GPAM: variants seen among roughly 807,000 people sequenced by gnomAD.
The protein encoded by GPAM is glycerol-3-phosphate acyltransferase 1, mitochondrial.
Under a neutral mutation model 105.0 loss-of-function variants are expected in GPAM, and 56 were observed. That is an observed-to-expected ratio of 0.53 (90% CI 0.43 to 0.67). GPAM has a LOEUF of 0.67. GPAM is among the 30% of genes least tolerant of loss of function. GPAM has a pLI of 0.00. For synonymous variants in GPAM, 368 were observed against 354.4 expected, an observed-to-expected ratio of 1.04 and a Z score of -0.43; for missense variants, 855 against 989.8, an observed-to-expected ratio of 0.86 and a Z score of 1.83.
chr10:112,185,145 T>C (rs969952831), upstream of GPAM, among the ~76,000 whole-genome samples: 2 of 152,148 alleles, frequency 1.3e-5, no homozygotes, highest in African/African-American at 4.8e-5. Flanking sequence ...CTACTCTGAT[T>C]CTATCTTAGA....
At chr10:112,180,908 C>A (rs2133267542) in intron 3 of GPAM, among the ~76,000 whole-genome samples, 1 of 152,280 alleles carries the variant, frequency 6.6e-6, no homozygotes, top group South Asian at 2.1e-4. Flanking sequence ...TCTAGTCTAA[C>A]AATTAACCTT....
intron 4 of GPAM, among the ~76,000 whole-genome samples, chr10:112,178,673 G>A (rs1426349141): frequency 6.6e-6 from 1 of 152,182 alleles, no homozygotes; most frequent in East Asian, 1.9e-4. Context: ...CTACAAGAAT[G>A]TCAGAGATTT....
upstream of GPAM, among the ~76,000 whole-genome samples, chr10:112,216,578 G>A (rs979844827): frequency 2.6e-5 from 4 of 152,084 alleles, no homozygotes; most frequent in African/African-American, 9.7e-5. Flanking sequence ...AGGAGAAAAA[G>A]CAAAGGTGTG....
upstream of GPAM, among the ~76,000 whole-genome samples, chr10:112,187,884 C>T (rs112038263): frequency 1.3e-5 from 2 of 152,022 alleles, no homozygotes; most frequent in South Asian, 2.1e-4. Flanking sequence ...TTAGAAACCA[C>T]TAACTTAAAG....
intron 20 of GPAM, chr10:112,155,018 A>C: frequency 2.5e-6 from 1 of 404,816 alleles, no homozygotes; most frequent in Non-Finnish European, 4.6e-6. Context: ...TGAGAATCAA[A>C]TGAGATAGTG....
chr10:112,214,447 C>A (rs540167338), intron 1 of GPAM: 2 of 152,304 alleles, frequency 1.3e-5, no homozygotes, highest in Admixed American at 6.5e-5. Flanking sequence ...GTCTTTTCTG[C>A]TGTCTTTGAT....
rs147428084 is a variant in GPAM at position 112,208,384 on chromosome 10, G to A, written n.210+6784C>T. On this transcript the variant is annotated intron_variant and non_coding_transcript_variant, in intron 1 of 3. Transcript: ENST00000480130. ...TTCCATTGCAACTGCTTTCTGAGAC[G>A]GATAGTTTCCCCTTTAGATTTTCAT... Among the ~76,000 whole-genome samples, 75 of 152,276 alleles carry A rather than the reference G, an allele frequency of 4.9e-4. 1 individual carries two copies. The East Asian group carries it at 0.012, about 24-fold the overall frequency.
chr10:112,223,727 T>C, the GPAM span, among the ~76,000 whole-genome samples: 1 of 152,208 alleles, frequency 6.6e-6, no homozygotes, highest in South Asian at 2.1e-4. Flanking sequence ...ATAGCAAATA[T>C]TTTAGGCTAT....
intron 9 of GPAM, among the ~76,000 whole-genome samples, chr10:112,169,218 T>C (rs1204990388): frequency 6.6e-6 from 1 of 152,172 alleles, no homozygotes; most frequent in Non-Finnish European, 1.5e-5. Flanking sequence ...TTGCATGACA[T>C]ATTACCCGTA....
the GPAM span, among the ~76,000 whole-genome samples, chr10:112,226,917 C>T: frequency 6.6e-6 from 1 of 152,130 alleles, no homozygotes; most frequent in Admixed American, 6.5e-5. Flanking sequence ...GCAGGGCAGA[C>T]TTCCACCCTT....
upstream of GPAM, among the ~76,000 whole-genome samples, chr10:112,218,081 G>A (rs1042288812): frequency 1.3e-5 from 2 of 152,240 alleles, no homozygotes; most frequent in African/African-American, 4.8e-5. Context: ...GGCCATTGAC[G>A]ATTCAAAGGA....
the GPAM span, among the ~76,000 whole-genome samples, chr10:112,222,857 A>T: frequency 6.6e-6 from 1 of 152,054 alleles, no homozygotes; most frequent in African/African-American, 2.4e-5. Flanking sequence ...GCGTGGGTAA[A>T]TGATCCATGC....
upstream of GPAM, among the ~76,000 whole-genome samples, chr10:112,185,300 T>C (rs182359498): frequency 5.3e-5 from 8 of 151,650 alleles, no homozygotes; most frequent in Admixed American, 2.6e-4. Flanking sequence ...CAAACAGAAT[T>C]ATCAGGCATG....
At position 112,158,392 on chromosome 10, in the gene GPAM, G is replaced by A. The variant is rs1359494753; in HGVS notation, c.1904C>T (p.Pro635Leu). The change falls in exon 18 of 22, where the codon CCT becomes CTT. Residue 635 changes from proline to leucine, a missense_variant and splice_region_variant. By Grantham distance (98) the Pro-to-Leu change is moderately conservative (BLOSUM62 -3). Coordinates refer to ENST00000348367, the MANE Select transcript of GPAM (RefSeq NM_001244949.2). Reference sequence around the variant, plus strand: ...GCAGACTTGGTAAAATGTCTGGCAAGGCTGAAAAGAAAATTCATTTAAATA... The same window carrying A: ...GCAGACTTGGTAAAATGTCTGGCAAAGCTGAAAAGAAAATTCATTTAAATA... ...LLSNEGTISL[P>L]CQTFYQVCHE... The A allele has an allele frequency of 1.3e-6, 2 of 1,582,278 alleles. No individual in the cohort carries two copies. Among genetic ancestry groups the A allele is most frequent in the African/African-American group, 1.3e-5 (1 of 74,270 alleles).
intron 1 of GPAM, among the ~76,000 whole-genome samples, chr10:112,210,756 G>A (rs562994700): frequency 1.3e-5 from 2 of 152,162 alleles, no homozygotes; most frequent in Non-Finnish European, 2.9e-5. Flanking sequence ...TTTCTGCTCT[G>A]TCTGGAAAAA....
chr10:112,176,172 T>C (rs1014874648), intron 5 of GPAM, among the ~76,000 whole-genome samples: 19 of 152,216 alleles, frequency 1.2e-4, no homozygotes, highest in Non-Finnish European at 2.5e-4. Context: ...GTTTGTTTTT[T>C]CCTAAGATAA....
At chr10:112,192,081 A>T (rs1198841431) in intron 1 of GPAM, among the ~76,000 whole-genome samples, 1 of 152,162 alleles carries the variant, frequency 6.6e-6, no homozygotes. Flanking sequence ...GCTTCCGCAC[A>T]ACACAAGCAA....
intron 14 of GPAM, 96 bp downstream of exon 14, chr10:112,163,605 G>A: frequency 2.8e-6 from 2 of 721,330 alleles, no homozygotes; most frequent in Admixed American, 1.9e-5. Context: ...TAATAGAAGT[G>A]GAAACTAACC....
chr10:112,170,424 G>A (rs1387751139), intron 9 of GPAM, among the ~76,000 whole-genome samples: 2 of 152,228 alleles, frequency 1.3e-5, no homozygotes, highest in Non-Finnish European at 2.9e-5. Context: ...GAGCTACACA[G>A]TCACTGGCAT....
Sources: allele counts gnomAD v4.1 joint callset (sites outside exome capture counted in the v4.1 genomes callset), GRCh38; gene constraint gnomAD v4.1.1; transcripts MANE v1.5; gene names NCBI Gene and HGNC (gene_info 2026-07-23, HGNC 2026-07-21).